HPSE2: variants seen among roughly 807,000 people sequenced by gnomAD.
The protein encoded by HPSE2 is heparanase 2 (inactive).
HPSE2 carries 38 observed loss-of-function variants against 60.5 expected under a neutral mutation model. The observed-to-expected ratio is 0.63, with a 90% CI of 0.48 to 0.82. The LOEUF is 0.82. Among genes scored for constraint, HPSE2 ranks in the 40% least tolerant of loss-of-function variants. The pLI is 0.00. For synonymous variants in HPSE2, 295 were observed against 293.2 expected (o/e 1.01, Z -0.06); for missense variants, 713 against 740.4 (o/e 0.96, Z 0.43).
At chr10:99,083,687 T>G (rs1843219744) in intron 3 of HPSE2, among the ~76,000 whole-genome samples, 2 of 152,200 alleles carry the variant, frequency 1.3e-5, no homozygotes, top group South Asian at 4.1e-4. Context: ...ATCTTGGTTT[T>G]AAATAGACCA....
chr10:99,225,208 C>T (rs1461624838), intron 2 of HPSE2, among the ~76,000 whole-genome samples: 1 of 152,010 alleles, frequency 6.6e-6, no homozygotes, highest in East Asian at 1.9e-4. Context: ...ATATCAAATC[C>T]TTCTAAAGTT....
At chr10:98,985,962 C>T (rs1183777966) in intron 3 of HPSE2, among the ~76,000 whole-genome samples, 3 of 152,284 alleles carry the variant, frequency 2.0e-5, no homozygotes, top group East Asian at 3.9e-4. Flanking sequence ...TATATATGCA[C>T]CCAACACAGG....
chr10:98,550,196 T>TA (rs1458132159), intron 9 of HPSE2, among the ~76,000 whole-genome samples: 1 of 152,234 alleles, frequency 6.6e-6, no homozygotes, highest in Non-Finnish European at 1.5e-5. Context: ...TTACCTCTAT[T>TA]AGAAACTTCC....
intron 6 of HPSE2, among the ~76,000 whole-genome samples, chr10:98,692,212 GC>G (rs1012136224): frequency 7.9e-5 from 12 of 152,084 alleles, no homozygotes; most frequent in African/African-American, 2.7e-4. Context: ...AGGGAGAACA[GC>G]ATTTCAGGCA....
chr10:99,032,879 T>G (rs1957528706), intron 3 of HPSE2, among the ~76,000 whole-genome samples: 1 of 152,240 alleles, frequency 6.6e-6, no homozygotes, highest in Non-Finnish European at 1.5e-5. Context: ...ACATTTGCTC[T>G]TCTGCCTAGG....
chr10:98,560,437 G>A (rs185316397), intron 9 of HPSE2, among the ~76,000 whole-genome samples: 4 of 152,358 alleles, frequency 2.6e-5, no homozygotes, highest in Admixed American at 2.6e-4. Flanking sequence ...GCCCTGAGAT[G>A]CACCTCACAG....
chr10:98,852,142 T>TGC (rs1225161997), intron 3 of HPSE2, among the ~76,000 whole-genome samples: 12 of 139,010 alleles, frequency 8.6e-5, no homozygotes, highest in Non-Finnish European at 1.6e-5. Flanking sequence ...TGTGTGTGTG[T>TGC]GTGTGTGTGT....
intron 6 of HPSE2, among the ~76,000 whole-genome samples, chr10:98,650,709 G>A (rs575090343): frequency 4.2e-4 from 64 of 152,268 alleles, no homozygotes; most frequent in African/African-American, 1.4e-3. Context: ...TGACCAAAAA[G>A]GACATGGAAT....
chr10:99,208,282 A>C (rs551898006), intron 2 of HPSE2, among the ~76,000 whole-genome samples: 8 of 152,144 alleles, frequency 5.3e-5, no homozygotes, highest in African/African-American at 1.9e-4. Context: ...ACAAGACAGG[A>C]AGAAAGAAAC....
chr10:99,314,560 A>G, the HPSE2 span, among the ~76,000 whole-genome samples: 7 of 152,194 alleles, frequency 4.6e-5, no homozygotes, highest in Non-Finnish European at 4.4e-5. Context: ...TAACTTTCAT[A>G]TGCACTGGGA....
At chr10:98,696,969 T>A (rs571401322) in intron 5 of HPSE2, among the ~76,000 whole-genome samples, 8 of 151,936 alleles carry the variant, frequency 5.3e-5, no homozygotes, top group African/African-American at 1.9e-4. Context: ...AACAAAAAAA[T>A]GTCCCACAAA....
chr10:99,044,373 A>G (rs1025958270), intron 3 of HPSE2, among the ~76,000 whole-genome samples: 1 of 152,220 alleles, frequency 6.6e-6, no homozygotes, highest in Non-Finnish European at 1.5e-5. Flanking sequence ...ACATGGAATC[A>G]AAATAACAAC....
the HPSE2 span, among the ~76,000 whole-genome samples, chr10:99,243,130 G>C: frequency 2.6e-5 from 4 of 152,018 alleles, no homozygotes; most frequent in Admixed American, 1.3e-4. Flanking sequence ...GAGGCAGGCG[G>C]ATCACGAGGT....
intron 2 of HPSE2, among the ~76,000 whole-genome samples, chr10:99,229,365 A>C (rs1849575612): frequency 6.6e-6 from 1 of 152,154 alleles, no homozygotes; most frequent in South Asian, 2.1e-4. Context: ...GTAATTCCAT[A>C]AATCTACCTT....
intron 3 of HPSE2, among the ~76,000 whole-genome samples, chr10:98,878,746 C>A (rs992563181): frequency 6.6e-6 from 1 of 151,862 alleles, no homozygotes; most frequent in Non-Finnish European, 1.5e-5. Context: ...TTTAAACAAA[C>A]AAGAGATCGA....
intron 4 of HPSE2, among the ~76,000 whole-genome samples, chr10:98,729,562 T>G (rs1353225752): frequency 6.6e-6 from 1 of 151,992 alleles, no homozygotes; most frequent in Non-Finnish European, 1.5e-5. Flanking sequence ...TGAGCCGAGA[T>G]CACGCCATTG....
chr10:99,245,046 ATATT>A, the HPSE2 span, among the ~76,000 whole-genome samples: 1 of 152,152 alleles, frequency 6.6e-6, no homozygotes, highest in African/African-American at 2.4e-5. Context: ...CTTGGGAAGT[ATATT>A]TAATTTTGAT....
intron 3 of HPSE2, among the ~76,000 whole-genome samples, chr10:98,996,007 G>C (rs1219183089): frequency 6.6e-6 from 1 of 152,044 alleles, no homozygotes; most frequent in African/African-American, 2.4e-5. Context: ...CTACAGATTA[G>C]TTAACGATAT....
chr10:99,048,386 G>T, intron 3 of HPSE2: 1 of 264,882 alleles, frequency 3.8e-6, no homozygotes, highest in Non-Finnish European at 7.2e-6. Context: ...AAATAAGCAA[G>T]CAAAAACAAT....
Sources: gnomAD v4.1 joint callset for allele counts (sites outside exome capture counted in the v4.1 genomes callset) on GRCh38, gnomAD v4.1.1 for gene constraint, MANE v1.5 for transcripts, NCBI Gene and HGNC (gene_info 2026-07-23, HGNC 2026-07-21) for gene names.